The following TATDN3 variants were observed in gnomAD, a reference collection of about 807,000 sequenced individuals.
TATDN3 encodes TatD DNase domain containing 3.
Under a neutral mutation model 40.1 loss-of-function variants are expected in TATDN3, and 29 were observed. The ratio of observed to expected loss-of-function variants is 0.72; its 90% CI spans 0.54 to 0.99. TATDN3 has a LOEUF of 0.99. TATDN3 is among the 50% of genes least tolerant of loss of function. The pLI is 0.00. For missense variants in TATDN3, 309 were observed against 321.9 expected (o/e 0.96, Z 0.31); for synonymous variants, 105 against 117.0 (o/e 0.90, Z 0.66).
At chr1:212,814,399 T>C (rs945292429) in intron 9 of TATDN3, among the ~76,000 whole-genome samples, 2 of 152,198 alleles carry the variant, frequency 1.3e-5, no homozygotes, top group Non-Finnish European at 2.9e-5. Context: ...TTTCATAAAA[T>C]CTAAATGCTA....
At chr1:212,800,663 C>T in intron 4 of TATDN3, among the ~76,000 whole-genome samples, 1 of 151,884 alleles carries the variant, frequency 6.6e-6, no homozygotes, top group Non-Finnish European at 1.5e-5. Context: ...CTTTTGCCCT[C>T]CTTCCTTCTT....
At position 212,806,853 on chromosome 1, in the gene TATDN3, T is replaced by C. The variant is rs1337445879; in HGVS notation, c.488-883T>C. On this transcript the variant is annotated intron_variant, in intron 7 of 9. Transcript: ENST00000366974. Reference sequence around the variant, plus strand: ...ATATATATACATATATACACATATATACATATGTATATACACATATATACA... The same window carrying C: ...ATATATATACATATATACACATATACACATATGTATATACACATATATACA... 4.2e-5 allele frequency among the ~76,000 whole-genome samples: 4 copies of C among 95,848 alleles called. 1 individual carries two copies. Among genetic ancestry groups the C allele is most frequent in the African/African-American group, 2.1e-4 (4 of 19,214 alleles). 62.9% of individuals were successfully genotyped at this position (95,848 alleles called of 152,430 possible).
intron 4 of TATDN3, among the ~76,000 whole-genome samples, chr1:212,800,966 A>G (rs1662139327): frequency 6.7e-6 from 1 of 148,796 alleles, no homozygotes; most frequent in African/African-American, 2.5e-5. Context: ...TCACTTTGGG[A>G]GGCTGAGGTG....
At chr1:212,811,376 G>T (rs1662866724) in intron 8 of TATDN3, among the ~76,000 whole-genome samples, 2 of 151,936 alleles carry the variant, frequency 1.3e-5, no homozygotes. Flanking sequence ...CAAGTGATCA[G>T]CCTGCCTTGG....
At chr1:212,792,484 A>AC (rs1239974012) in intron 1 of TATDN3, among the ~76,000 whole-genome samples, 2 of 151,294 alleles carry the variant, frequency 1.3e-5, no homozygotes, top group Non-Finnish European at 3.0e-5. Context: ...AAAAAAAAAA[A>AC]AAAAGCCGGT....
chr1:212,793,994 T>C (rs931192989), intron 1 of TATDN3, among the ~76,000 whole-genome samples: 1 of 151,890 alleles, frequency 6.6e-6, no homozygotes. Context: ...AAGATAAAAA[T>C]TGGGGGCCGG....
At chr1:212,813,805 G>A (rs554711782) in intron 9 of TATDN3, among the ~76,000 whole-genome samples, 160 of 151,940 alleles carry the variant, frequency 1.1e-3, no homozygotes, top group African/African-American at 3.7e-3. Flanking sequence ...CCGCCTTCTG[G>A]ATTCAAGCAA....
rs140351837 is a variant in TATDN3, at chr1:212,798,488, G to C, written c.258+1292G>C. 6.4e-5 allele frequency among the ~76,000 whole-genome samples: 9 copies of C among 141,514 alleles called. No homozygotes were observed. In the East Asian group the frequency reaches 1.9e-3, roughly 29 times the overall value. The allele number at this position is 141,514 out of a possible 152,430, so 92.8% of individuals were successfully genotyped here. On this transcript the variant is annotated intron_variant, in intron 4 of 9. Coordinates refer to ENST00000366974, the MANE Select transcript of TATDN3 (RefSeq NM_001042552.3). ...GAGATGGGAGGACCACTTGAGCTCAGGAGTTCAAGACCAGCCTGGGCAACA... is the reference window on the plus strand; with the variant it reads ...GAGATGGGAGGACCACTTGAGCTCACGAGTTCAAGACCAGCCTGGGCAACA...
Position 212,807,792 on chromosome 1 carries a change from G to C in TATDN3, c.544G>C (p.Gly182Arg), listed in dbSNP as rs1374320203. ...TGGTCGGCCATCTGTAGCCATGGAA[G>C]GAGTAAGAGCTGGGTACTTCTTCTC... Reference protein sequence around the residue: ...FDGRPSVAMEGVRAGYFFSIP... With the variant: ...FDGRPSVAMERVRAGYFFSIP... Residue 182 changes from glycine to arginine, a missense_variant, in exon 8 of 10, where the codon GGA (glycine) becomes CGA (arginine). By Grantham distance (125) the Gly-to-Arg change is moderately radical. Coordinates refer to ENST00000366974, the MANE Select transcript of TATDN3 (RefSeq NM_001042552.3). The C allele has an allele frequency of 6.2e-7, 1 of 1,613,870 alleles. No individual in the cohort carries two copies.
rs1012457401 is a variant in TATDN3, at chr1:212,802,778, A to G, written c.321+15A>G. On this transcript the variant is annotated intron_variant, in intron 5 of 9. Transcript: ENST00000366974. ...CAATTGGAGAGGTAAACACCCACTA[A>G]CTGATCAAACAGCTTCTAATTCAGA... 25 of 1,561,482 alleles carry G rather than the reference A, an allele frequency of 1.6e-5. No individual in the cohort carries two copies. Among genetic ancestry groups the G allele is most frequent in the Non-Finnish European group, 2.1e-5 (24 of 1,132,370 alleles).
chr1:212,805,298 C>T (rs1662389761), intron 7 of TATDN3, among the ~76,000 whole-genome samples: 1 of 152,000 alleles, frequency 6.6e-6, no homozygotes, highest in South Asian at 2.1e-4. Flanking sequence ...CTCTGTTGCC[C>T]AGGCTGGAGT....
intron 4 of TATDN3, among the ~76,000 whole-genome samples, chr1:212,798,630 A>G (rs1341344669): frequency 1.3e-5 from 2 of 152,164 alleles, no homozygotes; most frequent in Non-Finnish European, 2.9e-5. Flanking sequence ...AGTATGATAA[A>G]ATTAGCTACA....
intron 8 of TATDN3, among the ~76,000 whole-genome samples, chr1:212,808,930 AAGT>A (rs1571971131): frequency 6.6e-6 from 1 of 152,378 alleles, no homozygotes; most frequent in East Asian, 1.9e-4. Flanking sequence ...AATAGCCAAA[AAGT>A]AGAAACAACC....
chr1:212,798,219 G>A lies in TATDN3; in HGVS notation c.258+1023G>A, dbSNP rs541279664. Among the ~76,000 whole-genome samples, 15 of 151,904 alleles carry A rather than the reference G, an allele frequency of 9.9e-5. No homozygotes were observed. In the East Asian group the frequency reaches 2.1e-3, roughly 22 times the overall value. ...CGTGCACCTGTAGTCCCAGCTACTC[G>A]GGAGACTAAGGTGGGAGAATCGTTT... On this transcript the variant is annotated intron_variant, in intron 4 of 9. Transcript: ENST00000366974.
chr1:212,794,362 G>T (rs1661587817), intron 1 of TATDN3, among the ~76,000 whole-genome samples: 1 of 152,076 alleles, frequency 6.6e-6, no homozygotes, highest in Non-Finnish European at 1.5e-5. Context: ...AGGCCAAGGT[G>T]GGTGGGTCAC....
chr1:212,809,633 C>T lies in TATDN3; in HGVS notation c.600+1785C>T, dbSNP rs563981362. ...CGGGGGGGCAGAGCCTGCAGTGAGC[C>T]GAGATCGCGCCACTGCACTCCAGCC... is the stretch of plus-strand genomic sequence containing the variant. On this transcript the variant is annotated intron_variant, in intron 8 of 9. Transcript: ENST00000366974. Among the ~76,000 whole-genome samples the T allele has an allele frequency of 6.7e-5, 10 of 149,902 alleles. No homozygotes were observed. The South Asian group carries it at 1.9e-3, about 28-fold the overall frequency.
At chr1:212,810,220 C>T (rs1330722115) in intron 8 of TATDN3, among the ~76,000 whole-genome samples, 1 of 151,234 alleles carries the variant, frequency 6.6e-6, no homozygotes. Flanking sequence ...AAAAATTAGC[C>T]GAGTGAAGGC....
chr1:212,808,236 C>G (rs770044339), intron 8 of TATDN3, among the ~76,000 whole-genome samples: 2 of 150,410 alleles, frequency 1.3e-5, no homozygotes, highest in Non-Finnish European at 2.9e-5. Context: ...TCGCTTGAAC[C>G]AGGAGGTGGA....
At chr1:212,805,037 C>A (rs1209231672) in intron 7 of TATDN3, among the ~76,000 whole-genome samples, 1 of 152,170 alleles carries the variant, frequency 6.6e-6, no homozygotes, top group Non-Finnish European at 1.5e-5. Context: ...TCTCAGCTCA[C>A]TGCAACCTCT....
Sources: allele counts gnomAD v4.1 joint callset (sites outside exome capture counted in the v4.1 genomes callset), GRCh38; gene constraint gnomAD v4.1.1; transcripts MANE v1.5; gene names NCBI Gene and HGNC (gene_info 2026-07-23, HGNC 2026-07-21).